The following TRIOBP variants were observed in gnomAD, a reference collection of about 807,000 sequenced individuals.
TRIOBP encodes the protein TRIO and F-actin binding protein.
In TRIOBP, 169 loss-of-function variants were observed where a neutral mutation model predicts 238.8. That is an observed-to-expected ratio of 0.71 (90% CI 0.62 to 0.80). The LOEUF (loss-of-function observed/expected upper bound fraction) is 0.80. Ranked by LOEUF, TRIOBP falls within the 30% of genes least tolerant of loss-of-function variation. TRIOBP has a pLI of 0.00. For synonymous variants in TRIOBP, 1,150 were observed against 1,274.4 expected (o/e 0.90, Z 2.08); for missense variants, 2,838 against 3,122.6 (o/e 0.91, Z 2.17).
Position 37,754,904 on chromosome 22 carries a change from T to G in TRIOBP, c.5407T>G (p.Ser1803Ala), listed in dbSNP as rs759565491. The change falls in exon 13 of 24, where the codon TCT (serine) becomes GCT (alanine). Residue 1803 changes from serine to alanine, a missense_variant. By Grantham distance (99) the Ser-to-Ala change is moderately conservative. Coordinates refer to ENST00000644935, the MANE Select transcript of TRIOBP (RefSeq NM_001039141.3). Reference sequence around the variant, plus strand: ...TCCCTCCCCCTCGCTCACCACCACCTCTACTTCGCAGTGGAAGAAACATTG... The same window carrying G: ...TCCCTCCCCCTCGCTCACCACCACCGCTACTTCGCAGTGGAAGAAACATTG... ...EPPSPSLTTT[S>A]TSQWKKHWFV... 8 of 1,614,052 alleles carry G rather than the reference T, an allele frequency of 5.0e-6. No individual in the cohort carries two copies. The highest frequency in any genetic ancestry group is 6.8e-6 in the Non-Finnish European group (8 of 1,180,004).
At chr22:37,717,051 G>A (rs1923558036) in intron 6 of TRIOBP, among the ~76,000 whole-genome samples, 1 of 152,198 alleles carries the variant, frequency 6.6e-6, no homozygotes, top group African/African-American at 2.4e-5. Context: ...AGTTCTTAAA[G>A]GCGGCGTGTC....
rs778674956 is a variant in TRIOBP, at chr22:37,755,595, C to T, written c.5623C>T (p.Arg1875Trp). 4.3e-6 allele frequency: 7 copies of T among 1,614,040 alleles called. No homozygotes were observed. Among genetic ancestry groups the T allele is most frequent in the Non-Finnish European group, 5.1e-6 (6 of 1,180,018 alleles). Residue 1875 changes from arginine to tryptophan, a missense_variant, in exon 15 of 24, where the codon CGG becomes TGG. Transcript: ENST00000644935. ...CTTGTCGGCCATGACCTCAGGCATC[C>T]GGCGGAACTGGATCGAGGCTCTGAG... ...YTLSAMTSGIRRNWIEALRKT... is the reference protein window; with the variant it reads ...YTLSAMTSGIWRNWIEALRKT...
intron 14 of TRIOBP, 145 bp from the exon 15 acceptor site, chr22:37,755,405 G>T: frequency 1.1e-6 from 1 of 920,920 alleles, no homozygotes. Flanking sequence ...GCCAATGGAA[G>T]GGAGGTTTTG....
At chr22:37,762,067 T>G (rs1041111657) in intron 17 of TRIOBP, among the ~76,000 whole-genome samples, 1 of 152,066 alleles carries the variant, frequency 6.6e-6, no homozygotes, top group African/African-American at 2.4e-5. Context: ...TTCCTCCATT[T>G]TATTTTATTT....
intron 23 of TRIOBP, among the ~76,000 whole-genome samples, chr22:37,773,104 C>T (rs1021881876): frequency 2.0e-5 from 3 of 152,230 alleles, no homozygotes; most frequent in Non-Finnish European, 4.4e-5. Flanking sequence ...TTCACACACA[C>T]ACATCGCACG....
rs114029250 is a variant in TRIOBP at position 37,737,444 on chromosome 22, G to A, written c.5107-1198G>A. Among the ~76,000 whole-genome samples the A allele has an allele frequency of 2.2e-4, 33 of 151,830 alleles. 1 individual carries two copies. The highest frequency in any genetic ancestry group is 6.8e-4 in the African/African-American group (28 of 41,384). Reference sequence around the variant, plus strand: ...TGGGAGGCTGAGGCAGGCAAATCACGAGCTCAGGAGATCGACACCAGCCTG... The same window carrying A: ...TGGGAGGCTGAGGCAGGCAAATCACAAGCTCAGGAGATCGACACCAGCCTG... On this transcript the variant is annotated intron_variant, in intron 9 of 23. Transcript: ENST00000644935.
At chr22:37,754,837 A>G (rs1377156860) in intron 12 of TRIOBP, 40 bp from the exon 13 acceptor site, 2 of 1,602,952 alleles carry the variant, frequency 1.2e-6, no homozygotes, top group African/African-American at 1.3e-5. Context: ...ACACCTGTAC[A>G]ATCACACACA....
chr22:37,733,389 T>G lies in TRIOBP; in HGVS notation c.4039T>G (p.Ser1347Ala). The G allele has an allele frequency of 3.9e-6, 6 of 1,550,946 alleles. No homozygotes were observed. Among genetic ancestry groups the G allele is most frequent in the Non-Finnish European group, 5.2e-6 (6 of 1,147,144 alleles). The stretch of plus-strand genomic sequence containing the variant: ...CCAGAGCCAACTTCTCCGAAGACAG[T>G]CCAGCCCTGCCCCCAGCAGGCAGGT... Reference protein sequence around the residue: ...QGQSQLLRRQSSPAPSRQVTM... With the variant: ...QGQSQLLRRQASPAPSRQVTM... Residue 1347 changes from serine to alanine, a missense_variant, in exon 8 of 24, where the codon TCC becomes GCC. By Grantham distance (99) the Ser-to-Ala change is moderately conservative. Around this residue, in one of 5 missense-constraint regions of TRIOBP, gnomAD observed 2,096 missense variants for 2,137.4 expected, o/e 0.98. Transcript: ENST00000644935.
Position 37,734,952 on chromosome 22 carries a change from G to C in TRIOBP, c.4616G>C (p.Trp1539Ser). The change falls in exon 9 of 24, where the codon TGG (tryptophan) becomes TCG (serine). Residue 1539 changes from tryptophan (W) to serine (S), a missense_variant. By Grantham distance (177) the Trp-to-Ser change is radical (BLOSUM62 -3). Around this residue, in one of 5 missense-constraint regions of TRIOBP, gnomAD observed 2,096 missense variants for 2,137.4 expected, o/e 0.98. Transcript: ENST00000644935. ...WHSGTPTAVG[W>S]GAEGACPYPR... ...TCTGGGACACCCACTGCTGTGGGCTGGGGGGCAGAGGGAGCGTGTCCATAC... is the reference window on the plus strand; with the variant it reads ...TCTGGGACACCCACTGCTGTGGGCTCGGGGGCAGAGGGAGCGTGTCCATAC... 1.2e-6 allele frequency: 2 copies of C among 1,613,430 alleles called. No homozygotes were observed. The highest frequency in any genetic ancestry group is 1.7e-6 in the Non-Finnish European group (2 of 1,179,996).
intron 11 of TRIOBP, among the ~76,000 whole-genome samples, chr22:37,748,555 G>A (rs954126019): frequency 6.6e-6 from 1 of 150,378 alleles, no homozygotes; most frequent in Non-Finnish European, 1.5e-5. Flanking sequence ...TAATTTCCTG[G>A]CCTAGAACAG....
At position 37,754,939 on chromosome 22, in the gene TRIOBP, G is replaced by A; in HGVS notation, c.5442G>A (p.Leu1814=). Residue 1814 remains leucine, a synonymous_variant, in exon 13 of 24, where the codon CTG becomes CTA. Transcript: ENST00000644935. The stretch of plus-strand genomic sequence containing the variant: ...AGTGGAAGAAACATTGGTTTGTGCT[G>A]ACAGATTCAAGTCTCAAATATTACA... ...TSQWKKHWFV[L]TDSSLKYYRD... is the part of the protein sequence containing the mutation. The A allele has an allele frequency of 6.2e-7, 1 of 1,614,164 alleles. No individual in the cohort carries two copies. The highest frequency in any genetic ancestry group is 8.5e-7 in the Non-Finnish European group (1 of 1,180,046).
chr22:37,758,022 C>G lies in TRIOBP; in HGVS notation c.6097C>G (p.Leu2033Val). The G allele has an allele frequency of 1.2e-6, 2 of 1,610,110 alleles. No homozygotes were observed. Among genetic ancestry groups the G allele is most frequent in the Non-Finnish European group, 1.7e-6 (2 of 1,178,844 alleles). Reference protein sequence around the residue: ...SEEIEKKWQELEKLPLRENKR... With the variant: ...SEEIEKKWQEVEKLPLRENKR... ...GGAGATCGAGAAGAAGTGGCAGGAGCTGGAGAAGCTGCCCCTGCGGGAGAA... is the reference window on the plus strand; with the variant it reads ...GGAGATCGAGAAGAAGTGGCAGGAGGTGGAGAAGCTGCCCCTGCGGGAGAA... Residue 2033 changes from leucine to valine, a missense_variant, in exon 16 of 24, where the codon CTG becomes GTG. By Grantham distance (32) the Leu-to-Val change is conservative. Transcript: ENST00000644935.
chr22:37,742,393 T>C (rs1017460652), intron 11 of TRIOBP, among the ~76,000 whole-genome samples: 1 of 151,744 alleles, frequency 6.6e-6, no homozygotes, highest in Non-Finnish European at 1.5e-5. Context: ...CTCCCGAGTA[T>C]GTGGTACTAC....
At position 37,765,654 on chromosome 22, in the gene TRIOBP, G is replaced by A. The variant is rs1926450557; in HGVS notation, c.6325-16G>A. 2 of 1,549,142 alleles carry A rather than the reference G, an allele frequency of 1.3e-6. No individual in the cohort carries two copies. The highest frequency in any genetic ancestry group is 1.7e-6 in the Non-Finnish European group (2 of 1,146,864). ...GGAACGGGGCAGCCTGTGACACCCT[G>A]GCGTCCGGCCCACAGGAGGCATGTG... On this transcript the variant is annotated splice_polypyrimidine_tract_variant and intron_variant, in intron 17 of 23. Transcript: ENST00000644935.
Position 37,734,820 on chromosome 22 carries a change from A to T in TRIOBP, c.4484A>T (p.Glu1495Val), listed in dbSNP as rs183455182. 4.5e-4 allele frequency: 729 copies of T among 1,612,506 alleles called. 9 individuals are homozygous for T. In the East Asian group the frequency reaches 0.013, roughly 29 times the overall value. The stretch of plus-strand genomic sequence containing the variant: ...AGCTGGGGGCAGCCAGAGGCCTGGG[A>T]GGAGAAGCCCACTCATGAGCTCCCC... ...KESWGQPEAW[E>V]EKPTHELPRE... is the part of the protein sequence containing the mutation. Residue 1495 changes from glutamate to valine, a missense_variant, in exon 9 of 24, where the codon GAG becomes GTG. Around this residue, in one of 5 missense-constraint regions of TRIOBP, gnomAD observed 2,096 missense variants for 2,137.4 expected, o/e 0.98. Transcript: ENST00000644935.
At chr22:37,761,174 T>A (rs1324070141) in intron 17 of TRIOBP, among the ~76,000 whole-genome samples, 1 of 151,770 alleles carries the variant, frequency 6.6e-6, no homozygotes. Flanking sequence ...TCTGGCCTGG[T>A]ACGGTGGCTA....
At position 37,734,858 on chromosome 22, in the gene TRIOBP, AAG is replaced by A. The variant is rs1601639680; in HGVS notation, c.4526_4527del (p.Arg1509LysfsTer8). The part of the protein sequence containing the change: ...PTHELPRELG[K>X]RSPLTSPPEN... ...TCATGAGCTCCCCAGAGAACTAGGA[AAG>A]AGAAGCCCACTCACGAGCCCCCCTG... is the stretch of plus-strand genomic sequence containing the variant. On this transcript the variant is annotated frameshift_variant, in exon 9 of 24. Coordinates refer to ENST00000644935, the MANE Select transcript of TRIOBP (RefSeq NM_001039141.3). LOFTEE classifies it high-confidence loss of function. 1 of 1,612,934 alleles carries A rather than the reference AAG, an allele frequency of 6.2e-7. No homozygotes were observed. Among genetic ancestry groups the A allele is most frequent in the East Asian group, 2.2e-5 (1 of 44,868 alleles).
intron 18 of TRIOBP, among the ~76,000 whole-genome samples, chr22:37,766,865 G>A (rs1191455269): frequency 1.3e-5 from 2 of 151,960 alleles, no homozygotes; most frequent in African/African-American, 4.8e-5. Flanking sequence ...GGAGGCTAAG[G>A]CAGGAGAATC....
rs371842892 is a variant in TRIOBP at position 37,769,822 on chromosome 22, T to C, written c.6849+447T>C. On this transcript the variant is annotated intron_variant, in intron 21 of 23. Coordinates refer to ENST00000644935, the MANE Select transcript of TRIOBP (RefSeq NM_001039141.3). ...CAGTTCACTGCAACCTCTGCCTCCC[T>C]GGTTCAAGCGATTCTCCTGCCTCAG... Among the ~76,000 whole-genome samples the C allele has an allele frequency of 7.0e-4, 106 of 151,888 alleles. 4 individuals are homozygous for C. The South Asian group carries it at 0.022, about 31-fold the overall frequency.
Sources: allele counts gnomAD v4.1 joint callset (sites outside exome capture counted in the v4.1 genomes callset), GRCh38; gene constraint gnomAD v4.1.1; regional missense constraint gnomAD v4.1.1; transcripts MANE v1.5; gene names NCBI Gene and HGNC (gene_info 2026-07-23, HGNC 2026-07-21).